The following RALYL variants were observed in gnomAD, a reference collection of about 807,000 sequenced individuals.
RALYL encodes RALY RNA binding protein like.
Under a neutral mutation model 35.1 loss-of-function variants are expected in RALYL, and 29 were observed. The ratio of observed to expected loss-of-function variants is 0.83; its 90% CI spans 0.61 to 1.13. The LOEUF (loss-of-function observed/expected upper bound fraction) is 1.13. Ranked by LOEUF, RALYL falls within the 50% of genes most tolerant of loss-of-function variation. RALYL has a pLI of 0.00. For missense variants in RALYL, 359 were observed against 360.4 expected, an observed-to-expected ratio of 1.00 and a Z score of 0.03; for synonymous variants, 120 against 127.6, an observed-to-expected ratio of 0.94 and a Z score of 0.40.
intron 4 of RALYL, among the ~76,000 whole-genome samples, chr8:84,847,532 G>T (rs1199774085): frequency 6.6e-6 from 1 of 152,096 alleles, no homozygotes; most frequent in African/African-American, 2.4e-5. Flanking sequence ...TAGCCCTCTT[G>T]TTCTGATCTC....
chr8:84,299,081 C>G (rs924590918), intron 1 of RALYL, among the ~76,000 whole-genome samples: 2 of 151,964 alleles, frequency 1.3e-5, no homozygotes, highest in Admixed American at 1.3e-4. Context: ...CTAGGACTTG[C>G]AGTACTATGT....
intron 1 of RALYL, among the ~76,000 whole-genome samples, chr8:84,212,804 T>G (rs1278216711): frequency 2.0e-5 from 3 of 152,190 alleles, no homozygotes; most frequent in East Asian, 1.9e-4. Context: ...ATGCTTTTCT[T>G]CAATTACCTT....
At chr8:84,744,133 TAAG>T (rs1277355699) in intron 2 of RALYL, among the ~76,000 whole-genome samples, 11 of 151,880 alleles carry the variant, frequency 7.2e-5, no homozygotes, top group Non-Finnish European at 5.9e-5. Context: ...AAAATAAAAA[TAAG>T]AGGAAATGGG....
chr8:84,234,821 A>G (rs978445174), intron 1 of RALYL, among the ~76,000 whole-genome samples: 1 of 151,522 alleles, frequency 6.6e-6, no homozygotes, highest in African/African-American at 2.4e-5. Context: ...CTGGAGTGCA[A>G]TGGCACAATC....
intron 1 of RALYL, among the ~76,000 whole-genome samples, chr8:84,392,587 G>T (rs1364044032): frequency 6.6e-6 from 1 of 152,008 alleles, no homozygotes; most frequent in Non-Finnish European, 1.5e-5. Context: ...AGAGAAAGCT[G>T]ATCAGCCTGA....
At chr8:84,369,057 A>G (rs900963202) in intron 1 of RALYL, among the ~76,000 whole-genome samples, 1 of 152,156 alleles carries the variant, frequency 6.6e-6, no homozygotes, top group African/African-American at 2.4e-5. Context: ...TTTTGAACCT[A>G]TGAATACATG....
chr8:84,472,315 G>A (rs959308703), intron 1 of RALYL, among the ~76,000 whole-genome samples: 22 of 152,098 alleles, frequency 1.4e-4, no homozygotes, highest in Middle Eastern at 3.4e-3. Flanking sequence ...TTATAATACA[G>A]GACAAAAAGA....
intron 6 of RALYL, among the ~76,000 whole-genome samples, chr8:84,868,409 A>T (rs1020305143): frequency 3.9e-5 from 6 of 152,020 alleles, no homozygotes; most frequent in African/African-American, 1.4e-4. Flanking sequence ...GCCCAGGCTG[A>T]TCGTAAACTC....
At chr8:84,784,043 T>C (rs1818804881) in intron 3 of RALYL, among the ~76,000 whole-genome samples, 1 of 152,022 alleles carries the variant, frequency 6.6e-6, no homozygotes, top group Admixed American at 6.5e-5. Flanking sequence ...ATAGTACAAT[T>C]GGCAGTGCCA....
intron 2 of RALYL, among the ~76,000 whole-genome samples, chr8:84,636,306 A>G (rs1471672692): frequency 6.6e-6 from 1 of 151,796 alleles, no homozygotes; most frequent in Non-Finnish European, 1.5e-5. Context: ...TCCTTTCTGG[A>G]TGATATAAAT....
At chr8:84,812,179 C>G (rs565120903) in intron 4 of RALYL, among the ~76,000 whole-genome samples, 3 of 152,080 alleles carry the variant, frequency 2.0e-5, no homozygotes, top group Non-Finnish European at 4.4e-5. Context: ...ATTCTTTTGT[C>G]CCACAGGGAG....
At chr8:84,595,848 C>G (rs562123263) in intron 2 of RALYL, among the ~76,000 whole-genome samples, 1 of 149,510 alleles carries the variant, frequency 6.7e-6, no homozygotes, top group Admixed American at 6.7e-5. Flanking sequence ...GCATGCATCT[C>G]CATAATGGAA....
chr8:84,654,279 A>G (rs1349206852), intron 2 of RALYL, among the ~76,000 whole-genome samples: 3 of 89,132 alleles, frequency 3.4e-5, no homozygotes, highest in Non-Finnish European at 6.4e-5. Flanking sequence ...CCATATATAT[A>G]TATATATATA....
At position 84,403,242 on chromosome 8, in the gene RALYL, C is replaced by T. The variant is rs186624377; in HGVS notation, c.-23-126057C>T. 7.1e-3 allele frequency among the ~76,000 whole-genome samples: 1,087 copies of T among 152,054 alleles called. 11 individuals are homozygous for T. The highest frequency in any genetic ancestry group is 0.013 in the Non-Finnish European group (852 of 67,906). The stretch of plus-strand genomic sequence containing the variant: ...GTTATGAAGTCTTTGCCCATTCCTA[C>T]GTCCTGAATGGTATTGCCTAGGTTT... On this transcript the variant is annotated intron_variant, in intron 1 of 8. Coordinates refer to ENST00000521268, the MANE Select transcript of RALYL (RefSeq NM_173848.7).
intron 1 of RALYL, among the ~76,000 whole-genome samples, chr8:84,417,456 T>C (rs931184267): frequency 3.3e-5 from 5 of 152,052 alleles, no homozygotes; most frequent in Non-Finnish European, 5.9e-5. Context: ...ACACTACTTT[T>C]CTATTGGGTT....
chr8:84,691,441 CAT>C (rs1435947245), intron 2 of RALYL, among the ~76,000 whole-genome samples: 1 of 152,036 alleles, frequency 6.6e-6, no homozygotes, highest in Non-Finnish European at 1.5e-5. Context: ...GCACTTTAAT[CAT>C]AGTTTATTTT....
At chr8:84,384,462 A>G (rs1858725103) in intron 1 of RALYL, among the ~76,000 whole-genome samples, 1 of 151,792 alleles carries the variant, frequency 6.6e-6, no homozygotes, top group Non-Finnish European at 1.5e-5. Context: ...ATGCATTTTC[A>G]TGAAAGCATA....
chr8:84,835,066 G>A (rs900809365), intron 4 of RALYL, among the ~76,000 whole-genome samples: 7 of 152,124 alleles, frequency 4.6e-5, no homozygotes, highest in Non-Finnish European at 1.0e-4. Flanking sequence ...ATTTTGACAT[G>A]AGCCATCCTG....
At chr8:84,890,414 T>C (rs1377811215) in intron 8 of RALYL, among the ~76,000 whole-genome samples, 1 of 152,084 alleles carries the variant, frequency 6.6e-6, no homozygotes, top group Non-Finnish European at 1.5e-5. Flanking sequence ...TTGAAAAGGC[T>C]CCTATGGAAA....
Sources: allele counts gnomAD v4.1 joint callset (sites outside exome capture counted in the v4.1 genomes callset), GRCh38; gene constraint gnomAD v4.1.1; transcripts MANE v1.5; gene names NCBI Gene and HGNC (gene_info 2026-07-23, HGNC 2026-07-21).